NCOA1: variants seen among roughly 807,000 people sequenced by gnomAD.
The protein encoded by NCOA1 is nuclear receptor coactivator 1.
NCOA1 carries 35 observed loss-of-function variants against 150.9 expected under a neutral mutation model. That is an observed-to-expected ratio of 0.23 (90% confidence interval 0.18 to 0.31). The LOEUF (loss-of-function observed/expected upper bound fraction) is 0.31. Among genes scored for constraint, NCOA1 ranks in the 10% least tolerant of loss-of-function variants. The pLI, the probability that NCOA1 is intolerant of heterozygous loss-of-function variation, is 1.00. For synonymous variants in NCOA1, 590 were observed against 630.0 expected, an observed-to-expected ratio of 0.94 and a Z score of 0.95; for missense variants, 1,491 against 1,749.3, an observed-to-expected ratio of 0.85 and a Z score of 2.63.
At chr2:24,542,217 G>A (rs112122058) in intron 1 of NCOA1, among the ~76,000 whole-genome samples, 5 of 151,980 alleles carry the variant, frequency 3.3e-5, no homozygotes, top group Non-Finnish European at 7.4e-5. Context: ...AATACAGAAA[G>A]TGTTGAAAAT....
chr2:24,677,231 C>G (rs1671950958), intron 7 of NCOA1, among the ~76,000 whole-genome samples: 1 of 152,078 alleles, frequency 6.6e-6, no homozygotes, highest in Admixed American at 6.5e-5. Flanking sequence ...GTAATCCCAG[C>G]TACTCAGGAG....
intron 15 of NCOA1, 38 bp from the exon 16 acceptor site, chr2:24,728,270 A>C: frequency 3.9e-6 from 6 of 1,556,766 alleles, no homozygotes; most frequent in Non-Finnish European, 5.2e-6. Flanking sequence ...ATTATTTGCT[A>C]TGTCAGTCTG....
intron 3 of NCOA1, among the ~76,000 whole-genome samples, chr2:24,586,738 G>A (rs1667428482): frequency 6.6e-6 from 1 of 152,186 alleles, no homozygotes; most frequent in East Asian, 1.9e-4. Context: ...ACAGGCGTGA[G>A]CCACCATGCC....
chr2:24,503,065 A>G (rs531508225), intron 1 of NCOA1, among the ~76,000 whole-genome samples: 1 of 152,320 alleles, frequency 6.6e-6, no homozygotes, highest in Admixed American at 6.5e-5. Context: ...AATATTTGTC[A>G]AGTCATATTG....
intron 1 of NCOA1, among the ~76,000 whole-genome samples, chr2:24,534,601 C>G (rs1164780646): frequency 6.6e-6 from 1 of 152,122 alleles, no homozygotes; most frequent in Non-Finnish European, 1.5e-5. Flanking sequence ...CTATAAATTT[C>G]CCTCTACACT....
At chr2:24,593,967 C>T (rs1206318476) in intron 3 of NCOA1, among the ~76,000 whole-genome samples, 1 of 152,024 alleles carries the variant, frequency 6.6e-6, no homozygotes, top group African/African-American at 2.4e-5. Context: ...CTTTGATAAA[C>T]AGAAATAAGG....
chr2:24,758,279 T>C lies in NCOA1; in HGVS notation c.4065+123T>C, dbSNP rs930195087. On this transcript the variant is annotated intron_variant, in intron 21 of 22. Coordinates refer to ENST00000348332, the MANE Select transcript of NCOA1 (RefSeq NM_003743.5). ...CTTCTTTATTCTTTCCCACTAACTTTTAATAATTACTGGCTCTTAAGATAT... is the reference window on the plus strand; with the variant it reads ...CTTCTTTATTCTTTCCCACTAACTTCTAATAATTACTGGCTCTTAAGATAT... 3.0e-6 allele frequency: 3 copies of C among 988,768 alleles called. No homozygotes were observed. The African/African-American group carries it at 5.0e-5, about 16-fold the overall frequency. The allele number at this position is 988,768 out of a possible 1,614,324, so 61.2% of individuals were successfully genotyped here.
chr2:24,670,213 A>G, intron 6 of NCOA1, among the ~76,000 whole-genome samples: 1 of 152,220 alleles, frequency 6.6e-6, no homozygotes, highest in East Asian at 1.9e-4. Context: ...ATGGGAATGG[A>G]AAATGATGGA....
intron 3 of NCOA1, among the ~76,000 whole-genome samples, chr2:24,612,571 C>T (rs1173545654): frequency 6.6e-6 from 1 of 152,062 alleles, no homozygotes; most frequent in Non-Finnish European, 1.5e-5. Context: ...TTCTTAAAGA[C>T]TTTGTTCCTT....
intron 3 of NCOA1, among the ~76,000 whole-genome samples, chr2:24,635,386 G>A (rs1351686820): frequency 1.3e-5 from 2 of 152,184 alleles, no homozygotes; most frequent in East Asian, 3.9e-4. Flanking sequence ...GTCAGCATGA[G>A]CAAGCTGTTC....
intron 3 of NCOA1, among the ~76,000 whole-genome samples, chr2:24,604,136 C>T (rs937323915): frequency 6.6e-6 from 1 of 152,138 alleles, no homozygotes; most frequent in African/African-American, 2.4e-5. Flanking sequence ...AGCAGTAGGT[C>T]TTAACATTGG....
intron 6 of NCOA1, among the ~76,000 whole-genome samples, chr2:24,672,947 G>GA (rs1318886548): frequency 6.6e-6 from 1 of 152,048 alleles, no homozygotes; most frequent in Non-Finnish European, 1.5e-5. Flanking sequence ...CTCTCAAAAG[G>GA]AAAAATCATA....
chr2:24,619,689 G>A (rs1295957387), intron 3 of NCOA1, among the ~76,000 whole-genome samples: 2 of 151,996 alleles, frequency 1.3e-5, no homozygotes, highest in Admixed American at 1.3e-4. Context: ...CGGGGCAGGG[G>A]GACAGATTGG....
At chr2:24,722,807 G>GA (rs1260805672) in intron 14 of NCOA1, among the ~76,000 whole-genome samples, 2 of 151,692 alleles carry the variant, frequency 1.3e-5, no homozygotes, top group Non-Finnish European at 2.9e-5. Context: ...GCAACATGGT[G>GA]AAAAATGGGC....
intron 4 of NCOA1, among the ~76,000 whole-genome samples, chr2:24,647,287 C>T (rs754296094): frequency 1.3e-5 from 2 of 152,126 alleles, no homozygotes; most frequent in African/African-American, 4.8e-5. Flanking sequence ...TAACTTAAAG[C>T]GTATGCAAAT....
chr2:24,703,331 C>G (rs55671631), intron 11 of NCOA1, among the ~76,000 whole-genome samples: 3,302 of 152,266 alleles, frequency 0.022, 128 homozygotes, highest in African/African-American at 0.074. Flanking sequence ...ACTGGAGAGT[C>G]TTACTGAGTT....
intron 2 of NCOA1, among the ~76,000 whole-genome samples, chr2:24,569,187 C>T (rs1666634287): frequency 6.6e-6 from 1 of 152,100 alleles, no homozygotes; most frequent in African/African-American, 2.4e-5. Context: ...GCAGTTTTGG[C>T]CACTAGAGCC....
At chr2:24,587,910 T>C (rs1463979324) in intron 3 of NCOA1, among the ~76,000 whole-genome samples, 2 of 152,230 alleles carry the variant, frequency 1.3e-5, no homozygotes, top group South Asian at 4.1e-4. Flanking sequence ...TAAATTCTTT[T>C]GATGCTGATA....
At chr2:24,766,704 G>A (rs1244110635) in intron 22 of NCOA1, among the ~76,000 whole-genome samples, 2 of 151,976 alleles carry the variant, frequency 1.3e-5, no homozygotes, top group South Asian at 2.1e-4. Flanking sequence ...AGAGAGGAGC[G>A]GGAAGAGGGC....
Sources: gnomAD v4.1 joint callset for allele counts (sites outside exome capture counted in the v4.1 genomes callset) on GRCh38, gnomAD v4.1.1 for gene constraint, MANE v1.5 for transcripts, NCBI Gene and HGNC (gene_info 2026-07-23, HGNC 2026-07-21) for gene names.